The following PCCA variants were observed in gnomAD, a reference collection of about 807,000 sequenced individuals.
PCCA encodes propionyl-CoA carboxylase subunit alpha, also known as propionyl-CoA carboxylase alpha chain, mitochondrial.
Under a neutral mutation model 101.3 loss-of-function variants are expected in PCCA, and 74 were observed. The ratio of observed to expected loss-of-function variants is 0.73; its 90% CI spans 0.61 to 0.89. The LOEUF (loss-of-function observed/expected upper bound fraction) is 0.89. Ranked by LOEUF, PCCA falls within the 40% of genes least tolerant of loss-of-function variation. The pLI, the probability that PCCA is intolerant of heterozygous loss-of-function variation, is 0.00. For synonymous variants in PCCA, 294 were observed against 313.6 expected (o/e 0.94, Z 0.66); for missense variants, 891 against 907.0 (o/e 0.98, Z 0.23).
Position 100,154,970 on chromosome 13 carries a change from TCTC to T in PCCA, c.301-5_301-3del, listed in dbSNP as rs1197059450. The stretch of plus-strand genomic sequence containing the variant: ...GCGCATCTGTTAATGCAGAAATTTG[TCTC>T]CTCAGGTTCATGTGAAAATGGCGGA... On this transcript the variant is annotated splice_region_variant and splice_polypyrimidine_tract_variant and intron_variant, in intron 4 of 23. Coordinates refer to ENST00000376285, the MANE Select transcript of PCCA (RefSeq NM_000282.4). The T allele has an allele frequency of 6.3e-7, 1 of 1,599,822 alleles. No individual in the cohort carries two copies. Among genetic ancestry groups the T allele is most frequent in the African/African-American group, 1.3e-5 (1 of 74,784 alleles).
intron 15 of PCCA, 93 bp from the exon 16 acceptor site, chr13:100,309,740 T>A (rs993300975): frequency 2.5e-6 from 2 of 802,116 alleles, no homozygotes; most frequent in Non-Finnish European, 4.0e-6. Context: ...TTTAGAAATC[T>A]GTTATGAAAT....
Position 100,357,675 on chromosome 13 carries a change from C to A in PCCA, c.1644-10797C>A, listed in dbSNP as rs767419317. ...AAGGCTGTCGATGTACAACCAAATA[C>A]GACCCCTAAAAGAAGAAAACTACAC... On this transcript the variant is annotated intron_variant, in intron 18 of 23. Transcript: ENST00000376285. Among the ~76,000 whole-genome samples, 3 of 152,258 alleles carry A rather than the reference C, an allele frequency of 2.0e-5. No individual in the cohort carries two copies. In the South Asian group the frequency reaches 6.2e-4, roughly 32 times the overall value.
At chr13:100,310,539 G>A (rs553574835) in intron 16 of PCCA, among the ~76,000 whole-genome samples, 1 of 152,240 alleles carries the variant, frequency 6.6e-6, no homozygotes, top group South Asian at 2.1e-4. Flanking sequence ...CGACATAGGG[G>A]CATGGCATCT....
chr13:100,251,777 A>T (rs2061766060), intron 8 of PCCA, among the ~76,000 whole-genome samples: 1 of 152,222 alleles, frequency 6.6e-6, no homozygotes, highest in South Asian at 2.1e-4. Flanking sequence ...TTTACTTTTG[A>T]TGCGATGGAA....
intron 6 of PCCA, among the ~76,000 whole-genome samples, chr13:100,203,618 A>G (rs2058673367): frequency 6.6e-6 from 1 of 152,120 alleles, no homozygotes; most frequent in African/African-American, 2.4e-5. Flanking sequence ...GCTTGAACCC[A>G]AGAGGCGGAG....
chr13:100,304,875 GATTT>G (rs1332918894), intron 14 of PCCA, among the ~76,000 whole-genome samples: 1 of 152,164 alleles, frequency 6.6e-6, no homozygotes, highest in Non-Finnish European at 1.5e-5. Context: ...TTAAGCCTGA[GATTT>G]ATTAATATGG....
At chr13:100,255,395 T>C (rs536457315) in intron 8 of PCCA, among the ~76,000 whole-genome samples, 12 of 152,340 alleles carry the variant, frequency 7.9e-5, no homozygotes, top group African/African-American at 2.9e-4. Context: ...CACAAATCAC[T>C]GTATAGTCCA....
intron 16 of PCCA, among the ~76,000 whole-genome samples, chr13:100,329,287 A>G (rs949476635): frequency 2.0e-5 from 3 of 152,152 alleles, no homozygotes; most frequent in Non-Finnish European, 4.4e-5. Context: ...ATTTGAGTTT[A>G]AAATGGGATG....
intron 1 of PCCA, 97 bp downstream of exon 1, chr13:100,089,322 G>C (rs1309214188): frequency 1.4e-5 from 19 of 1,322,526 alleles, no homozygotes; most frequent in South Asian, 4.0e-5. Context: ...GGCTGGGTCC[G>C]GCTGCCCCCG....
At chr13:100,287,716 T>C (rs1428646849) in intron 12 of PCCA, among the ~76,000 whole-genome samples, 1 of 152,200 alleles carries the variant, frequency 6.6e-6, no homozygotes, top group East Asian at 1.9e-4. Flanking sequence ...GGTTTCATCT[T>C]ACTTGTGTAT....
chr13:100,207,575 T>C (rs1435880038), intron 6 of PCCA, among the ~76,000 whole-genome samples: 1 of 151,930 alleles, frequency 6.6e-6, no homozygotes, highest in African/African-American at 2.4e-5. Flanking sequence ...AGAGACGGGC[T>C]TTCACTGTGT....
chr13:100,138,391 C>G (rs549124488), intron 4 of PCCA, among the ~76,000 whole-genome samples: 4 of 152,214 alleles, frequency 2.6e-5, no homozygotes, highest in African/African-American at 9.6e-5. Context: ...TATCTACATT[C>G]TCTTCTTATG....
At chr13:100,155,161 T>TAA in intron 5 of PCCA, 69 bp downstream of exon 5, 1 of 1,017,652 alleles carries the variant, frequency 9.8e-7, no homozygotes. Flanking sequence ...GAGTTTGTAT[T>TAA]TAAAAAAAAA....
chr13:100,094,048 G>A (rs1450835208), intron 1 of PCCA, among the ~76,000 whole-genome samples: 2 of 151,960 alleles, frequency 1.3e-5, no homozygotes, highest in Non-Finnish European at 2.9e-5. Context: ...GACCAACATG[G>A]AGAAATCCCG....
chr13:100,129,822 CT>C (rs1248090699), intron 4 of PCCA, among the ~76,000 whole-genome samples: 2 of 152,192 alleles, frequency 1.3e-5, no homozygotes, highest in African/African-American at 2.4e-5. Flanking sequence ...TCTTCTCAGT[CT>C]TGTGAGAACA....
intron 4 of PCCA, among the ~76,000 whole-genome samples, chr13:100,130,211 C>T (rs955310219): frequency 2.6e-5 from 4 of 152,224 alleles, no homozygotes; most frequent in African/African-American, 9.6e-5. Flanking sequence ...TTTGCTGGCT[C>T]TGGCACTCTG....
At chr13:100,275,064 G>A (rs2063550579) in intron 12 of PCCA, among the ~76,000 whole-genome samples, 1 of 140,036 alleles carries the variant, frequency 7.1e-6, no homozygotes, top group South Asian at 2.6e-4. Flanking sequence ...GGTGGGGGGG[G>A]AGGGGGTGTT....
intron 6 of PCCA, among the ~76,000 whole-genome samples, chr13:100,166,355 C>T (rs967310349): frequency 1.3e-5 from 2 of 152,126 alleles, no homozygotes; most frequent in African/African-American, 2.4e-5. Context: ...CCCTCTTTTG[C>T]CCAGGCTAGA....
At chr13:100,239,590 A>G (rs554033929) in intron 8 of PCCA, among the ~76,000 whole-genome samples, 1 of 152,278 alleles carries the variant, frequency 6.6e-6, no homozygotes, top group Admixed American at 6.5e-5. Context: ...ATACAGAGCT[A>G]TTGATCCTCA....
Sources: allele counts gnomAD v4.1 joint callset (sites outside exome capture counted in the v4.1 genomes callset), GRCh38; gene constraint gnomAD v4.1.1; transcripts MANE v1.5; gene names NCBI Gene and HGNC (gene_info 2026-07-23, HGNC 2026-07-21).